Variants in DAB2 observed in about 807,000 individuals in gnomAD.
DAB2 encodes DAB adaptor protein 2.
Under a neutral mutation model 71.6 loss-of-function variants are expected in DAB2, and 28 were observed. The ratio of observed to expected loss-of-function variants is 0.39; its 90% CI spans 0.29 to 0.54. The LOEUF (loss-of-function observed/expected upper bound fraction) is 0.54. Among genes scored for constraint, DAB2 ranks in the 20% least tolerant of loss-of-function variants. The pLI, the probability that DAB2 is intolerant of heterozygous loss-of-function variation, is 0.68. For missense variants in DAB2, 867 were observed against 928.8 expected, an observed-to-expected ratio of 0.93 and a Z score of 0.86; for synonymous variants, 345 against 339.7, an observed-to-expected ratio of 1.02 and a Z score of -0.17.
At chr5:39,408,904 A>G (rs2112094968) in intron 1 of DAB2, 1 of 152,288 alleles carries the variant, frequency 6.6e-6, no homozygotes, top group African/African-American at 2.4e-5. Context: ...GTAAGAATAT[A>G]TTCCTTATTT....
chr5:39,396,892 G>A (rs1442859337), intron 1 of DAB2, among the ~76,000 whole-genome samples: 1 of 152,224 alleles, frequency 6.6e-6, no homozygotes. Flanking sequence ...CTGAGTAGCT[G>A]GAGGGGTGAT....
intron 1 of DAB2, among the ~76,000 whole-genome samples, chr5:39,402,558 A>G (rs1755527402): frequency 6.6e-6 from 1 of 152,162 alleles, no homozygotes; most frequent in Non-Finnish European, 1.5e-5. Context: ...CTGAGATTAC[A>G]GGCATCAGCC....
At chr5:39,414,096 C>T (rs1367560812) in intron 1 of DAB2, among the ~76,000 whole-genome samples, 1 of 152,028 alleles carries the variant, frequency 6.6e-6, no homozygotes, top group South Asian at 2.1e-4. Flanking sequence ...AAGTAGAAGT[C>T]AAAAAACTCT....
At chr5:39,384,197 C>T (rs1755044028) in intron 9 of DAB2, among the ~76,000 whole-genome samples, 1 of 152,208 alleles carries the variant, frequency 6.6e-6, no homozygotes. Context: ...GTAGTCCCTC[C>T]TTATCCTCAG....
In DAB2 at chr5:39,388,505, A is replaced by G. The variant is rs376429330; in HGVS notation, c.625-138T>C. 2,095 of 694,698 alleles carry G rather than the reference A, an allele frequency of 3.0e-3. 55 individuals are homozygous for G. In the South Asian group the frequency reaches 0.035, roughly 12 times the overall value. The allele number at this position is 694,698 out of a possible 1,614,324, so 43.0% of individuals were successfully genotyped here. A position where few individuals can be genotyped will look rare whatever the true frequency, so the allele number is the denominator to read the frequency against. The stretch of plus-strand genomic sequence containing the variant: ...CCATTTAACTAATAGATTTCATATT[A>G]AGCTGTTTAGGTCAGGAAGTGTAGA... On this transcript the variant is annotated intron_variant, in intron 8 of 14. Coordinates refer to ENST00000320816, the MANE Select transcript of DAB2 (RefSeq NM_001343.4).
intron 1 of DAB2, among the ~76,000 whole-genome samples, chr5:39,409,632 T>G (rs992384639): frequency 6.6e-6 from 1 of 152,172 alleles, no homozygotes; most frequent in Non-Finnish European, 1.5e-5. Flanking sequence ...CATTGACTGG[T>G]CTACCCTTTC....
intron 9 of DAB2, among the ~76,000 whole-genome samples, chr5:39,387,009 C>T (rs1174643274): frequency 1.3e-5 from 2 of 152,120 alleles, no homozygotes; most frequent in African/African-American, 4.8e-5. Context: ...TGAGTTAGGG[C>T]TCACTGCTAA....
Position 39,390,491 on chromosome 5 carries a change from C to T in DAB2, c.415G>A (p.Gly139Arg). ...TDNRAFGYVC[G>R]GEGQHQFFAI... ...AAAAACTGATGCTGGCCTTCTCCTC[C>T]ACACACGTAACCAAATGCCCGGTTG... The change falls in exon 5 of 15, where the codon GGA becomes AGA. Residue 139 changes from glycine (G) to arginine (R), a missense_variant. Around this residue, in one of 2 missense-constraint regions of DAB2, gnomAD observed 127 missense variants for 194.4 expected, o/e 0.65. Transcript: ENST00000320816. 6.2e-7 allele frequency: 1 copy of T among 1,614,064 alleles called. No homozygotes were observed. The highest frequency in any genetic ancestry group is 8.5e-7 in the Non-Finnish European group (1 of 1,179,984).
Position 39,392,437 on chromosome 5 carries a change from C to T in DAB2, c.258G>A (p.Gln86=), listed in dbSNP as rs1288606387. ...CCCAGATCCTTTGTTTGTGTTGTCC[C>T]TGAGACCGACCAGCTGCCGCCATTC... ...LKGMAAAGRS[Q]GQHKQRIWVN... The change falls in exon 4 of 15, where the codon CAG becomes CAA. Residue 86 remains glutamine, a synonymous_variant. Coordinates refer to ENST00000320816, the MANE Select transcript of DAB2 (RefSeq NM_001343.4). 2 of 1,614,020 alleles carry T rather than the reference C, an allele frequency of 1.2e-6. No individual in the cohort carries two copies.
At chr5:39,375,885 T>TA (rs1366435237) in intron 13 of DAB2, 112 bp downstream of exon 13, 16 of 841,508 alleles carry the variant, frequency 1.9e-5, no homozygotes, top group African/African-American at 1.4e-4. Context: ...GACTCTGTCT[T>TA]AAAAAAATAA....
intron 1 of DAB2, chr5:39,417,429 G>A (rs1755873179): frequency 6.6e-6 from 1 of 152,164 alleles, no homozygotes; most frequent in Non-Finnish European, 1.5e-5. Context: ...ACCAGTCAGA[G>A]TTCTTTAGGC....
At position 39,380,119 on chromosome 5, in the gene DAB2, G is replaced by A. The variant is rs138360843; in HGVS notation, c.1504+1335C>T. Among the ~76,000 whole-genome samples the A allele has an allele frequency of 1.1e-4, 17 of 152,324 alleles. No individual in the cohort carries two copies. The East Asian group carries it at 3.3e-3, about 29-fold the overall frequency. On this transcript the variant is annotated intron_variant, in intron 11 of 14. Transcript: ENST00000320816. ...TTCTGTGAGGGAAGGGTACCAACCA[G>A]CTCCACTTGGGGGTGCAAGGAAAAG...
chr5:39,390,637 C>T, intron 4 of DAB2, 62 bp from the exon 5 acceptor site: 1 of 1,334,624 alleles, frequency 7.5e-7, no homozygotes, highest in Non-Finnish European at 1.0e-6. Flanking sequence ...CAGGCTAGCA[C>T]ACCGAAGCCT....
chr5:39,413,668 A>G (rs1243023505), intron 1 of DAB2, among the ~76,000 whole-genome samples: 1 of 152,212 alleles, frequency 6.6e-6, no homozygotes, highest in Non-Finnish European at 1.5e-5. Context: ...GACCAGTGCC[A>G]AGAAAATGCT....
At chr5:39,400,213 A>G (rs951576513) in intron 1 of DAB2, among the ~76,000 whole-genome samples, 17 of 152,114 alleles carry the variant, frequency 1.1e-4, no homozygotes, top group Non-Finnish European at 2.4e-4. Context: ...CGAAAGGCCT[A>G]TGAAACAGAA....
chr5:39,374,854 C>T (rs1355384559), intron 14 of DAB2, 160 bp downstream of exon 14: 2 of 620,860 alleles, frequency 3.2e-6, no homozygotes, highest in Non-Finnish European at 5.7e-6. Context: ...CCAGCCTAGT[C>T]ATTATTGAAT....
chr5:39,417,515 CT>C (rs1009004208), intron 1 of DAB2: 1 of 152,148 alleles, frequency 6.6e-6, no homozygotes, highest in African/African-American at 2.4e-5. Flanking sequence ...CTTACCTTTG[CT>C]TATTTGACTT....
intron 1 of DAB2, among the ~76,000 whole-genome samples, chr5:39,397,184 G>C (rs1755386877): frequency 6.6e-6 from 1 of 152,196 alleles, no homozygotes; most frequent in Admixed American, 6.5e-5. Flanking sequence ...CCTGAATCCA[G>C]TTTTAACACT....
chr5:39,394,167 A>T (rs1419175745), intron 2 of DAB2, 63 bp downstream of exon 2: 16 of 1,329,536 alleles, frequency 1.2e-5, no homozygotes, highest in Non-Finnish European at 1.7e-5. Context: ...TCTGAATCTC[A>T]CATTTCTCCA....
Sources: gnomAD v4.1 joint callset for allele counts (sites outside exome capture counted in the v4.1 genomes callset) on GRCh38, gnomAD v4.1.1 for gene constraint, gnomAD v4.1.1 regional missense constraint, MANE v1.5 for transcripts, NCBI Gene and HGNC (gene_info 2026-07-23, HGNC 2026-07-21) for gene names.